Variants in MAGI1 observed in about 807,000 individuals in gnomAD.
The protein encoded by MAGI1 is membrane associated guanylate kinase, WW and PDZ domain containing 1.
Under a neutral mutation model 139.9 loss-of-function variants are expected in MAGI1, and 58 were observed. The ratio of observed to expected loss-of-function variants is 0.41; its 90% confidence interval spans 0.34 to 0.52. The LOEUF is 0.52. Among genes scored for constraint, MAGI1 ranks in the 20% least tolerant of loss-of-function variants. The pLI is 0.12. For missense variants in MAGI1, 1,874 were observed against 1,901.6 expected (o/e 0.99, Z 0.27); for synonymous variants, 812 against 737.9 (o/e 1.10, Z -1.63).
chr3:65,724,918 C>G (rs1050094886), intron 1 of MAGI1, among the ~76,000 whole-genome samples: 1 of 152,120 alleles, frequency 6.6e-6, no homozygotes, highest in Non-Finnish European at 1.5e-5. Flanking sequence ...GGGTCCCTCC[C>G]ACAACACTCG....
chr3:65,480,486 G>T (rs947913399), intron 3 of MAGI1, among the ~76,000 whole-genome samples: 15 of 150,286 alleles, frequency 1.0e-4, no homozygotes, highest in African/African-American at 3.4e-4. Flanking sequence ...AGTAAGCAGA[G>T]ATCGTGGTAC....
intron 5 of MAGI1, among the ~76,000 whole-genome samples, chr3:65,461,456 C>G (rs567807238): frequency 6.7e-6 from 1 of 149,630 alleles, no homozygotes; most frequent in Non-Finnish European, 1.5e-5. Flanking sequence ...ACCTCATGAT[C>G]CGCCCATCTT....
At chr3:65,777,828 T>C (rs1414137267) in intron 1 of MAGI1, among the ~76,000 whole-genome samples, 1 of 152,190 alleles carries the variant, frequency 6.6e-6, no homozygotes, top group African/African-American at 2.4e-5. Flanking sequence ...ATAGTTCCCA[T>C]TGCATACGTT....
intron 14 of MAGI1, among the ~76,000 whole-genome samples, chr3:65,386,388 C>T (rs1943452958): frequency 6.6e-6 from 1 of 152,164 alleles, no homozygotes; most frequent in Admixed American, 6.5e-5. Context: ...AAAACACAGA[C>T]ATAAACGTCG....
intron 1 of MAGI1, among the ~76,000 whole-genome samples, chr3:65,929,882 C>T (rs1035065635): frequency 2.0e-5 from 3 of 152,074 alleles, no homozygotes; most frequent in Admixed American, 2.0e-4. Flanking sequence ...GGGGTCTAAT[C>T]CATTCTTTGA....
chr3:65,941,991 T>C (rs1384316034), intron 1 of MAGI1, among the ~76,000 whole-genome samples: 1 of 152,190 alleles, frequency 6.6e-6, no homozygotes, highest in Non-Finnish European at 1.5e-5. Context: ...TTCGCCGTGT[T>C]GCCCAGGTTG....
chr3:65,806,618 G>C (rs1246564874), intron 1 of MAGI1, among the ~76,000 whole-genome samples: 1 of 152,176 alleles, frequency 6.6e-6, no homozygotes. Context: ...TGGCTGTCCA[G>C]TTCCCCAATC....
chr3:65,933,172 G>A (rs1038081305), intron 1 of MAGI1, among the ~76,000 whole-genome samples: 2 of 152,152 alleles, frequency 1.3e-5, no homozygotes, highest in African/African-American at 2.4e-5. Context: ...CTTAGCCTTG[G>A]AGTCCAGAGA....
At chr3:65,768,444 G>A (rs1402500839) in intron 1 of MAGI1, among the ~76,000 whole-genome samples, 3 of 152,044 alleles carry the variant, frequency 2.0e-5, no homozygotes, top group Non-Finnish European at 2.9e-5. Context: ...ATTACTTAAG[G>A]ATACTGGTGC....
In MAGI1 at chr3:65,693,703, T is replaced by TTTTTTTTTG. The variant is rs1553692473; in HGVS notation, c.314-71616_314-71615insCAAAAAAAA. On this transcript the variant is annotated intron_variant, in intron 1 of 22. Coordinates refer to ENST00000402939, the MANE Select transcript of MAGI1 (RefSeq NM_001033057.2). Reference sequence around the variant, plus strand: ...AGGGTATCCATATTCAGAACAGTTTTTTTTTGTTTTTGTTTTTTGTTGTTG... The same window carrying TTTTTTTTTG: ...AGGGTATCCATATTCAGAACAGTTTTTTTTTTTTGTTTTTGTTTTTGTTTTTTGTTGTTG... Among the ~76,000 whole-genome samples the TTTTTTTTTG allele has an allele frequency of 3.5e-3, 534 of 151,898 alleles. 1 individual carries two copies. The highest frequency in any genetic ancestry group is 0.012 in the African/African-American group (490 of 41,400).
At chr3:65,412,199 G>A (rs28379852) in intron 12 of MAGI1, among the ~76,000 whole-genome samples, 2,064 of 152,180 alleles carry the variant, frequency 0.014, 46 homozygotes, top group African/African-American at 0.047. Flanking sequence ...CCTCCACTGC[G>A]GAACTGCCTC....
intron 1 of MAGI1, among the ~76,000 whole-genome samples, chr3:65,871,876 T>G (rs1461284057): frequency 6.6e-6 from 1 of 152,214 alleles, no homozygotes; most frequent in Admixed American, 6.5e-5. Context: ...CAGAAAGCCC[T>G]GGATGAATCA....
intron 1 of MAGI1, among the ~76,000 whole-genome samples, chr3:65,884,554 A>G (rs2060459165): frequency 6.6e-6 from 1 of 152,226 alleles, no homozygotes. Flanking sequence ...GAGCTATTAA[A>G]CAACTAATTT....
chr3:65,537,303 C>A (rs1406663519), intron 2 of MAGI1, among the ~76,000 whole-genome samples: 1 of 152,168 alleles, frequency 6.6e-6, no homozygotes, highest in Admixed American at 6.6e-5. Flanking sequence ...TCCTACAAAG[C>A]CCGTTTTTCT....
intron 1 of MAGI1, among the ~76,000 whole-genome samples, chr3:66,019,773 T>A (rs2067862162): frequency 1.3e-5 from 2 of 152,318 alleles, no homozygotes; most frequent in South Asian, 2.1e-4. Flanking sequence ...CAATTGCAAT[T>A]AAATTTCCCA....
chr3:65,612,878 T>G (rs1339473340), intron 2 of MAGI1, among the ~76,000 whole-genome samples: 1 of 152,172 alleles, frequency 6.6e-6, no homozygotes, highest in Non-Finnish European at 1.5e-5. Flanking sequence ...TAAATCGTCA[T>G]GGAAATTGCT....
At chr3:65,670,400 GT>G (rs994494927) in intron 1 of MAGI1, among the ~76,000 whole-genome samples, 2 of 151,154 alleles carry the variant, frequency 1.3e-5, no homozygotes, top group Non-Finnish European at 2.9e-5. Flanking sequence ...CAACATTGAA[GT>G]TTTTTTTAAT....
intron 1 of MAGI1, among the ~76,000 whole-genome samples, chr3:65,721,342 C>G (rs1447739071): frequency 6.6e-6 from 1 of 152,160 alleles, no homozygotes; most frequent in African/African-American, 2.4e-5. Context: ...AGGGACTTCC[C>G]TTACTTATAA....
chr3:65,912,288 C>T (rs1174218035), intron 1 of MAGI1, among the ~76,000 whole-genome samples: 2 of 150,248 alleles, frequency 1.3e-5, no homozygotes, highest in Non-Finnish European at 3.0e-5. Flanking sequence ...ATCGTGTTCT[C>T]GCACTGTAGA....
Sources: gnomAD v4.1 joint callset for allele counts (sites outside exome capture counted in the v4.1 genomes callset) on GRCh38, gnomAD v4.1.1 for gene constraint, MANE v1.5 for transcripts, NCBI Gene and HGNC (gene_info 2026-07-23, HGNC 2026-07-21) for gene names.